The following SASH1 variants were observed in gnomAD, a reference collection of about 807,000 sequenced individuals.
SASH1 encodes the protein SAM and SH3 domain-containing protein 1.
Under a neutral mutation model 125.2 loss-of-function variants are expected in SASH1, and 44 were observed. That is an observed-to-expected ratio of 0.35 (90% CI 0.28 to 0.45). The LOEUF is 0.45. Ranked by LOEUF, SASH1 falls within the 20% of genes least tolerant of loss-of-function variation. SASH1 has a pLI of 1.00. For synonymous variants in SASH1, 639 were observed against 649.1 expected (o/e 0.98, Z 0.24); for missense variants, 1,426 against 1,614.5 (o/e 0.88, Z 2.00).
intron 1 of SASH1, among the ~76,000 whole-genome samples, chr6:148,280,099 A>C (rs1260675273): frequency 3.7e-5 from 5 of 135,576 alleles, no homozygotes; most frequent in South Asian, 2.4e-4. Flanking sequence ...AAAGAAAAAA[A>C]AGATTGTGTA....
intron 17 of SASH1, among the ~76,000 whole-genome samples, chr6:148,541,189 G>A (rs559080216): frequency 6.6e-6 from 1 of 151,842 alleles, no homozygotes; most frequent in African/African-American, 2.4e-5. Context: ...AGAGGCTTAC[G>A]CTGCCACAGT....
upstream of SASH1, among the ~76,000 whole-genome samples, chr6:148,271,247 A>G (rs1462354228): frequency 6.6e-6 from 1 of 152,080 alleles, no homozygotes; most frequent in Admixed American, 6.6e-5. Context: ...CTGCTGCCTA[A>G]TGGTTATGTT....
intron 7 of SASH1, among the ~76,000 whole-genome samples, chr6:148,476,274 C>CAAAAAAAAAAAAAAAAAAAAA (rs35854127): frequency 1.1e-5 from 1 of 88,146 alleles, no homozygotes. Flanking sequence ...AAAAGGACAC[C>CAAAAAAAAAAAAAAAAAAAAA]AAAAAAAAAA....
At chr6:148,358,700 C>G (rs1368888072) in intron 1 of SASH1, among the ~76,000 whole-genome samples, 1 of 132,816 alleles carries the variant, frequency 7.5e-6, no homozygotes, top group African/African-American at 2.7e-5. Flanking sequence ...TTGGTTGGTT[C>G]TTTGGTTTCC....
intron 1 of SASH1, among the ~76,000 whole-genome samples, chr6:148,349,248 C>CTTTT (rs1781627053): frequency 4.5e-5 from 3 of 66,252 alleles, no homozygotes; most frequent in African/African-American, 1.5e-4. Context: ...TTTCTTCTTT[C>CTTTT]TTTCTTTTTT....
At position 148,343,208 on chromosome 6, in the gene SASH1, C is replaced by T. The variant is rs748043274; in HGVS notation, c.141C>T (p.Asp47=). ...AGGCGTTCTCCCGACTCTGGACCGA[C>T]GTGATGGGTATCCTGGTAAGTTACC... ...TSEAFSRLWT[D]VMGILDGSLG... is the part of the protein sequence containing the mutation. The change falls in exon 1 of 20, where the codon GAC becomes GAT. Residue 47 remains aspartate (D), a synonymous_variant. Transcript: ENST00000367467. 1.2e-5 allele frequency: 19 copies of T among 1,592,232 alleles called. No individual in the cohort carries two copies. Among genetic ancestry groups the T allele is most frequent in the Admixed American group, 1.7e-5 (1 of 59,304 alleles).
At chr6:148,338,398 T>C (rs11970164), upstream of SASH1, among the ~76,000 whole-genome samples, 2,825 of 144,542 alleles carry the variant, frequency 0.02, 83 homozygotes, top group African/African-American at 0.069. Flanking sequence ...CTGCACTACA[T>C]CCTGGGCAAC....
chr6:148,353,355 G>A (rs530988422), intron 1 of SASH1, among the ~76,000 whole-genome samples: 1 of 151,766 alleles, frequency 6.6e-6, no homozygotes, highest in East Asian at 1.9e-4. Context: ...GGGATTACAA[G>A]TGTGAACCAC....
chr6:148,321,619 C>T (rs1021059765), intron 1 of SASH1, among the ~76,000 whole-genome samples: 3 of 152,140 alleles, frequency 2.0e-5, no homozygotes, highest in Admixed American at 6.6e-5. Flanking sequence ...TACCAGCCTA[C>T]TTATGTGTCT....
intron 1 of SASH1, among the ~76,000 whole-genome samples, chr6:148,285,488 G>C (rs944996155): frequency 6.6e-6 from 1 of 152,194 alleles, no homozygotes; most frequent in Non-Finnish European, 1.5e-5. Context: ...ATAGTAGCTA[G>C]AGAACACTTT....
intron 18 of SASH1, among the ~76,000 whole-genome samples, chr6:148,545,230 T>A (rs1276556902): frequency 1.3e-5 from 2 of 151,786 alleles, no homozygotes; most frequent in African/African-American, 2.4e-5. Context: ...TCAAAAAAAA[T>A]GAGATCTACC....
In SASH1 at chr6:148,551,614, C is replaced by CA. The variant is rs1782880412; in HGVS notation, c.*3062dup. The stretch of plus-strand genomic sequence containing the variant: ...GTAAAGTTTGCTTTCATAACTGCAG[C>CA]AAAAAAGGTCAACTTGCCAAGTCAC... On this transcript the variant is annotated 3_prime_UTR_variant, in exon 20 of 20. Transcript: ENST00000367467. 1 of 152,190 alleles carries CA rather than the reference C, an allele frequency of 6.6e-6. No homozygotes were observed. The highest frequency in any genetic ancestry group is 2.4e-5 in the African/African-American group (1 of 41,348). 9.4% of individuals were successfully genotyped at this position (152,190 alleles called of 1,614,324 possible).
At chr6:148,392,523 C>G (rs993944424) in intron 2 of SASH1, among the ~76,000 whole-genome samples, 1 of 152,198 alleles carries the variant, frequency 6.6e-6, no homozygotes, top group Non-Finnish European at 1.5e-5. Flanking sequence ...TTGGGTACCA[C>G]TGCCCTATAT....
At chr6:148,513,094 C>T in intron 8 of SASH1, 6 of 985,428 alleles carry the variant, frequency 6.1e-6, no homozygotes, top group Non-Finnish European at 7.2e-6. Context: ...TTCTTCTTCT[C>T]TTGAGGTATT....
chr6:148,451,747 A>G (rs914145712), intron 4 of SASH1, among the ~76,000 whole-genome samples: 1 of 152,242 alleles, frequency 6.6e-6, no homozygotes, highest in Non-Finnish European at 1.5e-5. Flanking sequence ...CTGTGGAATT[A>G]TCAGTCCGCC....
At chr6:148,323,289 C>T (rs979564478) in intron 1 of SASH1, among the ~76,000 whole-genome samples, 7 of 152,134 alleles carry the variant, frequency 4.6e-5, no homozygotes, top group African/African-American at 9.7e-5. Context: ...AGATTACAGG[C>T]GTGAGCCCCA....
chr6:148,493,138 T>C (rs1021124599), intron 8 of SASH1, among the ~76,000 whole-genome samples: 1 of 152,186 alleles, frequency 6.6e-6, no homozygotes, highest in Non-Finnish European at 1.5e-5. Flanking sequence ...GTTGATTTAC[T>C]CTGTGTATTT....
At chr6:148,401,124 C>T (rs2114868458) in intron 2 of SASH1, among the ~76,000 whole-genome samples, 1 of 152,006 alleles carries the variant, frequency 6.6e-6, no homozygotes, top group South Asian at 2.1e-4. Context: ...AATGGTGGCG[C>T]ATGCCTGTAG....
intron 2 of SASH1, among the ~76,000 whole-genome samples, chr6:148,395,704 A>G (rs1447849374): frequency 6.6e-6 from 1 of 152,172 alleles, no homozygotes; most frequent in Non-Finnish European, 1.5e-5. Flanking sequence ...GAAGTTGCCC[A>G]TATCTCTCCA....
Sources: gnomAD v4.1 joint callset for allele counts (sites outside exome capture counted in the v4.1 genomes callset) on GRCh38, gnomAD v4.1.1 for gene constraint, MANE v1.5 for transcripts, NCBI Gene and HGNC (gene_info 2026-07-23, HGNC 2026-07-21) for gene names.